Variants in GXYLT2 observed in about 807,000 individuals in gnomAD.
GXYLT2 encodes glucoside xylosyltransferase 2, also known as glycosyltransferase 8 domain containing 4.
GXYLT2 carries 53 observed loss-of-function variants against 45.8 expected under a neutral mutation model. That is an observed-to-expected ratio of 1.16 (90% CI 0.93 to 1.46). GXYLT2 has a LOEUF of 1.46. Ranked by LOEUF, GXYLT2 falls within the 40% of genes most tolerant of loss-of-function variation. The pLI is 0.00. For synonymous variants in GXYLT2, 219 were observed against 214.2 expected (o/e 1.02, Z -0.19); for missense variants, 551 against 544.4 (o/e 1.01, Z -0.12).
intron 3 of GXYLT2, among the ~76,000 whole-genome samples, chr3:72,947,350 C>G (rs576575531): frequency 6.6e-6 from 1 of 152,028 alleles, no homozygotes; most frequent in South Asian, 2.1e-4. Flanking sequence ...GGTAATAGAG[C>G]AGTAATGAAA....
At chr3:72,963,894 C>T (rs62249926) in intron 5 of GXYLT2, among the ~76,000 whole-genome samples, 9,271 of 152,084 alleles carry the variant, frequency 0.061, 643 homozygotes, top group East Asian at 0.37. Flanking sequence ...AGGCTGGTCT[C>T]GAACTCCCGA....
intron 2 of GXYLT2, among the ~76,000 whole-genome samples, chr3:72,915,438 C>T (rs1308342278): frequency 7.2e-6 from 1 of 139,362 alleles, no homozygotes; most frequent in Non-Finnish European, 1.5e-5. Context: ...CGTATACAAT[C>T]GGAATTAGAT....
rs1009384985 is a variant in GXYLT2, at chr3:72,888,546, C to T, written c.275+38C>T. The stretch of plus-strand genomic sequence containing the variant: ...AACCCCAGAATCCCATCTGCGGACC[C>T]GTGTCTCGCTCCCTACACCCGTGCC... On this transcript the variant is annotated intron_variant, in intron 1 of 6. Transcript: ENST00000389617. The T allele has an allele frequency of 7.6e-6, 9 of 1,176,660 alleles. No individual in the cohort carries two copies. The East Asian group carries it at 1.5e-4, about 20-fold the overall frequency. 72.9% of individuals were successfully genotyped at this position (1,176,660 alleles called of 1,614,324 possible). A position where few individuals can be genotyped will look rare whatever the true frequency, so the allele number is the denominator to read the frequency against.
intron 6 of GXYLT2, among the ~76,000 whole-genome samples, chr3:72,974,184 C>T (rs772601911): frequency 9.9e-5 from 15 of 152,058 alleles, no homozygotes; most frequent in Non-Finnish European, 1.6e-4. Flanking sequence ...GATACATGTG[C>T]GTAACTAAGT....
Position 72,957,027 on chromosome 3 carries a change from A to G in GXYLT2, c.853-202A>G, listed in dbSNP as rs1169900265. 2.1e-5 allele frequency among the ~76,000 whole-genome samples: 3 copies of G among 146,148 alleles called. No individual in the cohort carries two copies. In the East Asian group the frequency reaches 6.1e-4, roughly 30 times the overall value. ...TCAACTTTCAGTCCCTGGTCTATCT[A>G]GTATCCGTGTGTACAGCTGAAAAAA... On this transcript the variant is annotated intron_variant, in intron 4 of 6. Coordinates refer to ENST00000389617, the MANE Select transcript of GXYLT2 (RefSeq NM_001080393.2).
chr3:72,960,670 A>G (rs1405520048), intron 5 of GXYLT2, among the ~76,000 whole-genome samples: 3 of 152,206 alleles, frequency 2.0e-5, no homozygotes, highest in Admixed American at 6.5e-5. Context: ...CCTATTTCAT[A>G]CTTTACCCAG....
chr3:72,889,908 T>TG (rs1709149745), intron 1 of GXYLT2, among the ~76,000 whole-genome samples: 5 of 60,166 alleles, frequency 8.3e-5, no homozygotes, highest in African/African-American at 3.1e-4. Context: ...TTTTTTTTTG[T>TG]TTTTTTTTTT....
intron 5 of GXYLT2, among the ~76,000 whole-genome samples, chr3:72,963,366 A>C (rs1330854955): frequency 2.0e-5 from 3 of 152,062 alleles, no homozygotes; most frequent in Non-Finnish European, 2.9e-5. Flanking sequence ...TGAGATAAGG[A>C]GTTCGAGACC....
intron 4 of GXYLT2, among the ~76,000 whole-genome samples, chr3:72,956,673 G>A (rs1445559427): frequency 1.3e-5 from 2 of 151,968 alleles, no homozygotes; most frequent in African/African-American, 2.4e-5. Flanking sequence ...TGGGTCACTC[G>A]AGGTCAGGAG....
At chr3:72,949,592 A>G (rs1399977326) in intron 3 of GXYLT2, among the ~76,000 whole-genome samples, 1 of 119,420 alleles carries the variant, frequency 8.4e-6, no homozygotes, top group Non-Finnish European at 1.6e-5. Context: ...GCTGACTGCA[A>G]CCTCCGCCTC....
intron 1 of GXYLT2, among the ~76,000 whole-genome samples, chr3:72,890,292 G>A (rs1208067965): frequency 6.6e-6 from 1 of 152,248 alleles, no homozygotes; most frequent in Non-Finnish European, 1.5e-5. Context: ...GAACTTGTTA[G>A]AAATGCAGAT....
chr3:72,923,364 A>G (rs1040671798), intron 3 of GXYLT2, among the ~76,000 whole-genome samples: 9 of 152,204 alleles, frequency 5.9e-5, no homozygotes, highest in Non-Finnish European at 1.3e-4. Context: ...GCAGTGAGCC[A>G]TGATCGCACC....
chr3:72,957,273 C>T lies in GXYLT2; in HGVS notation c.897C>T (p.Tyr299=), dbSNP rs777697938. The change falls in exon 5 of 7, where the codon TAC becomes TAT. Residue 299 remains tyrosine, a synonymous_variant. Transcript: ENST00000389617. ...GCCTGGCTTGGGAGGACATGTTGTA[C>T]CCTCTGTACCAGAAGTACAAGAATG... The part of the protein sequence containing the change: ...PTGLAWEDML[Y]PLYQKYKNAI... The T allele has an allele frequency of 6.2e-7, 1 of 1,612,854 alleles. No individual in the cohort carries two copies. The highest frequency in any genetic ancestry group is 8.5e-7 in the Non-Finnish European group (1 of 1,179,150).
intron 1 of GXYLT2, among the ~76,000 whole-genome samples, chr3:72,898,439 G>C (rs1709336549): frequency 6.6e-6 from 1 of 152,186 alleles, no homozygotes; most frequent in Non-Finnish European, 1.5e-5. Context: ...AAAGAAGAAG[G>C]AGATGGAGAA....
intron 3 of GXYLT2, among the ~76,000 whole-genome samples, chr3:72,938,107 A>T (rs1405250995): frequency 6.6e-6 from 1 of 151,938 alleles, no homozygotes; most frequent in Non-Finnish European, 1.5e-5. Context: ...ATTTAATTTT[A>T]AAAAAAGAAA....
chr3:72,939,598 A>T (rs1575802281), intron 3 of GXYLT2, among the ~76,000 whole-genome samples: 1 of 152,194 alleles, frequency 6.6e-6, no homozygotes, highest in East Asian at 1.9e-4. Flanking sequence ...TTGTCTGCAC[A>T]CATAAAATTA....
chr3:72,939,416 C>T (rs1258088929), intron 3 of GXYLT2, among the ~76,000 whole-genome samples: 1 of 151,960 alleles, frequency 6.6e-6, no homozygotes, highest in Non-Finnish European at 1.5e-5. Flanking sequence ...GCCTGGGTGA[C>T]AGAGCAAGAC....
intron 2 of GXYLT2, among the ~76,000 whole-genome samples, chr3:72,909,666 A>G (rs923325576): frequency 1.3e-5 from 2 of 152,190 alleles, no homozygotes; most frequent in African/African-American, 4.8e-5. Context: ...AGAACAGGTA[A>G]TGAGTTTTTT....
chr3:72,929,361 TG>T, intron 3 of GXYLT2: 1 of 1,050,092 alleles, frequency 9.5e-7, no homozygotes, highest in Non-Finnish European at 1.5e-6. Context: ...GCATTACATT[TG>T]GGGAAAAAAA....
Sources: gnomAD v4.1 joint callset for allele counts (sites outside exome capture counted in the v4.1 genomes callset) on GRCh38, gnomAD v4.1.1 for gene constraint, MANE v1.5 for transcripts, NCBI Gene and HGNC (gene_info 2026-07-23, HGNC 2026-07-21) for gene names.